The following LRBA variants were observed in gnomAD, a reference collection of about 807,000 sequenced individuals.
LRBA encodes LPS responsive beige-like anchor protein.
A neutral mutation model predicts 330.0 loss-of-function variants in LRBA; 176 were observed. The ratio of observed to expected loss-of-function variants is 0.53; its 90% CI spans 0.47 to 0.60. The LOEUF is 0.60. Ranked by LOEUF, LRBA falls within the 20% of genes least tolerant of loss-of-function variation. The pLI is 0.00. For missense variants in LRBA, 3,259 were observed against 3,444.8 expected (o/e 0.95, Z 1.35); for synonymous variants, 1,230 against 1,193.0 (o/e 1.03, Z -0.64).
At chr4:150,843,615 C>G (rs1263995903) in intron 28 of LRBA, among the ~76,000 whole-genome samples, 1 of 152,128 alleles carries the variant, frequency 6.6e-6, no homozygotes, top group Non-Finnish European at 1.5e-5. Context: ...GAAAAAATAT[C>G]CAATATTCAG....
chr4:150,697,340 A>AAAAAAAAAAAC (rs1784733534), intron 36 of LRBA, among the ~76,000 whole-genome samples: 1 of 148,734 alleles, frequency 6.7e-6, no homozygotes, highest in Non-Finnish European at 1.5e-5. Flanking sequence ...AAAAAAAAAA[A>AAAAAAAAAAAC]AAAAAAAAAA....
intron 56 of LRBA, among the ~76,000 whole-genome samples, chr4:150,276,656 C>G (rs1034497306): frequency 6.6e-6 from 1 of 152,160 alleles, no homozygotes; most frequent in African/African-American, 2.4e-5. Context: ...TTTACGCAGC[C>G]AACAAACATA....
chr4:150,503,260 G>C (rs184101392), intron 40 of LRBA, among the ~76,000 whole-genome samples: 2,726 of 152,290 alleles, frequency 0.018, 88 homozygotes, highest in African/African-American at 0.061. Flanking sequence ...GCCTCCTCAA[G>C]TGGGTCCCTG....
In LRBA at chr4:150,311,375, C is replaced by A. The variant is rs565104371; in HGVS notation, c.7694-991G>T. On this transcript the variant is annotated intron_variant, in intron 51 of 56. Transcript: ENST00000651943. ...CTGCATCCGATTATTAAGCTTTTCA[C>A]CATAATTTTCAATTTTTTGAAAAAT... 3.3e-5 allele frequency: 5 copies of A among 152,244 alleles called. No individual in the cohort carries two copies. The East Asian group carries it at 5.8e-4, about 18-fold the overall frequency. 9.4% of individuals were successfully genotyped at this position (152,244 alleles called of 1,614,324 possible). A position where few individuals can be genotyped will look rare whatever the true frequency, so the allele number is the denominator to read the frequency against.
intron 36 of LRBA, among the ~76,000 whole-genome samples, chr4:150,708,740 T>C (rs1265900497): frequency 6.6e-6 from 1 of 151,730 alleles, no homozygotes; most frequent in African/African-American, 2.4e-5. Flanking sequence ...ATGCATTTCT[T>C]ATCGGTATTT....
intron 36 of LRBA, among the ~76,000 whole-genome samples, chr4:150,685,232 C>T (rs1561513165): frequency 6.6e-6 from 1 of 150,422 alleles, no homozygotes; most frequent in Non-Finnish European, 1.5e-5. Context: ...CCAGCCAACC[C>T]CTATGAGACT....
chr4:150,871,410 G>C lies in LRBA; in HGVS notation c.2302C>G (p.Leu768Val), dbSNP rs756809053. 1 of 1,612,448 alleles carries C rather than the reference G, an allele frequency of 6.2e-7. No homozygotes were observed. The highest frequency in any genetic ancestry group is 1.1e-5 in the South Asian group (1 of 90,940). Reference sequence around the variant, plus strand: ...GTCTGAAGCATGAGCCTTTCAGCTAGCAATGAAAACAATCCATGTCCAAGC... The same window carrying C: ...GTCTGAAGCATGAGCCTTTCAGCTACCAATGAAAACAATCCATGTCCAAGC... ...VMLGHGLFSL[L>V]AERLMLQTNL... The change falls in exon 19 of 57, where the codon CTA becomes GTA. Residue 768 changes from leucine to valine, a missense_variant. Leu to Val is a conservative substitution (Grantham distance 32). Coordinates refer to ENST00000651943, the MANE Select transcript of LRBA (RefSeq NM_001364905.1).
intron 2 of LRBA, among the ~76,000 whole-genome samples, chr4:150,946,349 C>G (rs997392195): frequency 6.6e-6 from 1 of 152,006 alleles, no homozygotes; most frequent in African/African-American, 2.4e-5. Context: ...GGCCTATGGA[C>G]TAGAGATTAT....
chr4:150,621,090 C>CA (rs1312454778), intron 37 of LRBA, among the ~76,000 whole-genome samples: 2 of 60,042 alleles, frequency 3.3e-5, no homozygotes, highest in African/African-American at 2.7e-5. Flanking sequence ...TTCCCTTCTT[C>CA]GGAAAAAAAA....
intron 42 of LRBA, among the ~76,000 whole-genome samples, chr4:150,478,092 T>C (rs1400797705): frequency 6.6e-6 from 1 of 152,150 alleles, no homozygotes; most frequent in Admixed American, 6.6e-5. Flanking sequence ...GTTGAGGTTT[T>C]CTGGATGTAG....
intron 17 of LRBA, among the ~76,000 whole-genome samples, chr4:150,875,504 A>G (rs968718614): frequency 1.3e-5 from 2 of 152,210 alleles, no homozygotes; most frequent in African/African-American, 4.8e-5. Context: ...ACAAGGGTCA[A>G]GTATATACCC....
At chr4:150,505,632 A>G (rs1487041337) in intron 40 of LRBA, among the ~76,000 whole-genome samples, 2 of 152,240 alleles carry the variant, frequency 1.3e-5, no homozygotes, top group Non-Finnish European at 2.9e-5. Flanking sequence ...AAAGCAGGAA[A>G]GATCTAAAAT....
intron 43 of LRBA, among the ~76,000 whole-genome samples, chr4:150,470,599 G>A (rs563920551): frequency 2.0e-5 from 3 of 151,860 alleles, no homozygotes; most frequent in South Asian, 4.2e-4. Context: ...AAAGTCTGCC[G>A]GCACAGTAAA....
chr4:150,818,948 T>C (rs1286947130), intron 30 of LRBA, among the ~76,000 whole-genome samples: 2 of 152,086 alleles, frequency 1.3e-5, no homozygotes, highest in Non-Finnish European at 2.9e-5. Context: ...ACAAAACATG[T>C]ATACAGTAAT....
At chr4:150,423,865 A>T (rs1028929893) in intron 46 of LRBA, among the ~76,000 whole-genome samples, 1 of 152,234 alleles carries the variant, frequency 6.6e-6, no homozygotes, top group Admixed American at 6.5e-5. Flanking sequence ...TACAGATCTA[A>T]ATCAGTAATA....
intron 17 of LRBA, among the ~76,000 whole-genome samples, chr4:150,880,894 C>A (rs1728306765): frequency 6.6e-6 from 1 of 152,154 alleles, no homozygotes; most frequent in Non-Finnish European, 1.5e-5. Context: ...ACAGACACTT[C>A]TTAAAAGAAG....
At chr4:150,622,381 T>G (rs1343842327) in intron 37 of LRBA, among the ~76,000 whole-genome samples, 1 of 152,104 alleles carries the variant, frequency 6.6e-6, no homozygotes, top group Non-Finnish European at 1.5e-5. Context: ...TCTACAAAAG[T>G]TATAAAAAGT....
chr4:150,563,638 T>A (rs1768691899), intron 40 of LRBA, among the ~76,000 whole-genome samples: 1 of 152,120 alleles, frequency 6.6e-6, no homozygotes, highest in Admixed American at 6.6e-5. Flanking sequence ...GAAAACCCCA[T>A]CATATCAGCC....
intron 2 of LRBA, among the ~76,000 whole-genome samples, chr4:150,967,686 T>C (rs1390902229): frequency 2.0e-5 from 3 of 152,216 alleles, no homozygotes; most frequent in African/African-American, 4.8e-5. Context: ...TTGCTTTGTG[T>C]TTCTGTGTCA....
Sources: gnomAD v4.1 joint callset for allele counts (sites outside exome capture counted in the v4.1 genomes callset) on GRCh38, gnomAD v4.1.1 for gene constraint, MANE v1.5 for transcripts, NCBI Gene and HGNC (gene_info 2026-07-23, HGNC 2026-07-21) for gene names.